The following HECTD4 variants were observed in gnomAD, a reference collection of about 807,000 sequenced individuals.
HECTD4 encodes HECT domain E3 ubiquitin protein ligase 4.
HECTD4 carries 114 observed loss-of-function variants against 471.5 expected under a neutral mutation model. That is an observed-to-expected ratio of 0.24 (90% confidence interval 0.21 to 0.28). The LOEUF is 0.28. HECTD4 is among the 10% of genes least tolerant of loss of function. The pLI, the probability that HECTD4 is intolerant of heterozygous loss-of-function variation, is 1.00. For synonymous variants in HECTD4, 2,012 were observed against 2,256.0 expected (o/e 0.89, Z 3.07); for missense variants, 3,866 against 5,651.5 (o/e 0.68, Z 10.13).
At chr12:112,248,042 G>C (rs1453419725) in intron 27 of HECTD4, 25 bp downstream of exon 27, 1 of 1,550,138 alleles carries the variant, frequency 6.5e-7, no homozygotes, top group Non-Finnish European at 8.9e-7. Context: ...CAATACCCCA[G>C]TGACAAATCA....
At chr12:112,220,944 G>A (rs577772528) in intron 44 of HECTD4, among the ~76,000 whole-genome samples, 22 of 152,168 alleles carry the variant, frequency 1.4e-4, no homozygotes, top group East Asian at 3.9e-4. Flanking sequence ...GTGAGACCCC[G>A]TCTCTACAAA....
intron 8 of HECTD4, among the ~76,000 whole-genome samples, chr12:112,281,153 T>C (rs1462895435): frequency 1.3e-5 from 2 of 152,116 alleles, no homozygotes; most frequent in African/African-American, 2.4e-5. Flanking sequence ...TTATAACTGG[T>C]GAATTTTTAA....
At chr12:112,180,297 C>A (rs1284135812) in intron 62 of HECTD4, among the ~76,000 whole-genome samples, 1 of 152,198 alleles carries the variant, frequency 6.6e-6, no homozygotes, top group Admixed American at 6.5e-5. Flanking sequence ...CCTGTAATCC[C>A]AGCACTTTGG....
At chr12:112,189,180 A>G (rs2031990325) in intron 60 of HECTD4, among the ~76,000 whole-genome samples, 1 of 152,182 alleles carries the variant, frequency 6.6e-6, no homozygotes, top group African/African-American at 2.4e-5. Context: ...GTATGAAAGC[A>G]TTTGACTTGG....
chr12:112,196,357 TTTCTTCCTTA>T (rs2032245241), intron 55 of HECTD4, among the ~76,000 whole-genome samples: 1 of 152,174 alleles, frequency 6.6e-6, no homozygotes, highest in Admixed American at 6.5e-5. Context: ...TCGTAGGTGG[TTTCTTCCTTA>T]TCAACACCAG....
At chr12:112,310,643 T>G (rs1210677901) in intron 4 of HECTD4, among the ~76,000 whole-genome samples, 1 of 152,202 alleles carries the variant, frequency 6.6e-6, no homozygotes, top group African/African-American at 2.4e-5. Context: ...GCTTAAAAAT[T>G]CAGTCTACTA....
intron 9 of HECTD4, 129 bp downstream of exon 9, chr12:112,279,099 T>A: frequency 6.8e-6 from 5 of 730,966 alleles, no homozygotes. Flanking sequence ...ATAATTGGTA[T>A]TTTTTGTTAT....
chr12:112,201,524 T>C (rs1179571265), intron 54 of HECTD4: 1 of 154,048 alleles, frequency 6.5e-6, no homozygotes, highest in Non-Finnish European at 1.4e-5. Flanking sequence ...AATATATACA[T>C]AAACACACAA....
At chr12:112,220,367 C>T (rs2033053131) in intron 44 of HECTD4, among the ~76,000 whole-genome samples, 1 of 151,916 alleles carries the variant, frequency 6.6e-6, no homozygotes, top group Non-Finnish European at 1.5e-5. Context: ...CACACAGGCA[C>T]ACACACACAG....
intron 53 of HECTD4, among the ~76,000 whole-genome samples, chr12:112,204,189 T>C (rs1013309326): frequency 3.3e-5 from 5 of 152,322 alleles, no homozygotes; most frequent in South Asian, 2.1e-4. Flanking sequence ...ATTACAGGCG[T>C]GCGCCACCAG....
Position 112,169,673 on chromosome 12 carries a change from G to A in HECTD4, c.12053-15C>T, listed in dbSNP as rs993025672. The A allele has an allele frequency of 3.1e-6, 5 of 1,612,324 alleles. No individual in the cohort carries two copies. In the Admixed American group the frequency reaches 6.7e-5, roughly 21 times the overall value. Reference sequence around the variant, plus strand: ...TCTGATTTCCCCTGGAAAGTGAGATGAGCTGATCAAAGCACCCCGCCGTGG... The same window carrying A: ...TCTGATTTCCCCTGGAAAGTGAGATAAGCTGATCAAAGCACCCCGCCGTGG... On this transcript the variant is annotated splice_polypyrimidine_tract_variant and intron_variant, in intron 69 of 75. Coordinates refer to ENST00000682272, the MANE Select transcript of HECTD4 (RefSeq NM_001388303.1).
At chr12:112,265,775 C>T (rs369700943) in intron 15 of HECTD4, 103 bp downstream of exon 15, 38 of 785,764 alleles carry the variant, frequency 4.8e-5, no homozygotes, top group South Asian at 3.9e-4. Flanking sequence ...TGCTAACGAT[C>T]GTATTAGTTA....
At chr12:112,358,717 T>A (rs567092094) in intron 1 of HECTD4, among the ~76,000 whole-genome samples, 1 of 151,908 alleles carries the variant, frequency 6.6e-6, no homozygotes, top group Non-Finnish European at 1.5e-5. Flanking sequence ...TCAAGAAAAT[T>A]TAGAGGAGAT....
In HECTD4 at chr12:112,173,733, G is replaced by A. The variant is rs888843907; in HGVS notation, c.11595-872C>T. On this transcript the variant is annotated intron_variant, in intron 66 of 75. Coordinates refer to ENST00000682272, the MANE Select transcript of HECTD4 (RefSeq NM_001388303.1). This position sits in a 1 kb window ranked among gnomAD's most constrained non-coding sequence, Gnocchi z 4.3. The stretch of plus-strand genomic sequence containing the variant: ...TTTTGTAGAGATGGGGTCTCGTTGT[G>A]TTGCCCAGGCTGTTCTTGAAATCCT... 3.6e-4 allele frequency among the ~76,000 whole-genome samples: 54 copies of A among 151,218 alleles called. No homozygotes were observed. The highest frequency in any genetic ancestry group is 1.3e-3 in the African/African-American group (53 of 41,116).
intron 37 of HECTD4, 116 bp from the exon 38 acceptor site, chr12:112,233,201 A>C: frequency 1.7e-6 from 1 of 576,012 alleles, no homozygotes; most frequent in Non-Finnish European, 3.0e-6. Flanking sequence ...ACATTAGCTT[A>C]CACTAACATT....
intron 1 of HECTD4, among the ~76,000 whole-genome samples, chr12:112,335,365 T>C (rs748053936): frequency 4.7e-4 from 71 of 152,046 alleles, no homozygotes; most frequent in Non-Finnish European, 7.6e-4. Flanking sequence ...ACAATGGGGT[T>C]TGGGGACTCA....
chr12:112,174,030 T>A (rs1016616964), intron 66 of HECTD4, among the ~76,000 whole-genome samples: 5 of 151,086 alleles, frequency 3.3e-5, no homozygotes, highest in Admixed American at 2.7e-4. Flanking sequence ...CAGGCTAGAG[T>A]GCAATGGCGC....
intron 7 of HECTD4, among the ~76,000 whole-genome samples, chr12:112,287,666 G>A (rs2034783456): frequency 6.6e-6 from 1 of 152,040 alleles, no homozygotes; most frequent in Non-Finnish European, 1.5e-5. Context: ...CTCCCAGCTG[G>A]ATTACGCCTG....
chr12:112,323,925 A>T (rs998894814), intron 1 of HECTD4, among the ~76,000 whole-genome samples: 17 of 150,060 alleles, frequency 1.1e-4, no homozygotes, highest in Middle Eastern at 6.8e-3. Flanking sequence ...AATAAAAATT[A>T]GAGGTATTTT....
Sources: allele counts gnomAD v4.1 joint callset (sites outside exome capture counted in the v4.1 genomes callset), GRCh38; gene constraint gnomAD v4.1.1; non-coding constraint Gnocchi (gnomAD v3.1); transcripts MANE v1.5; gene names NCBI Gene and HGNC (gene_info 2026-07-23, HGNC 2026-07-21).